Variants in PCDH11X observed in about 807,000 individuals in gnomAD.
PCDH11X encodes the protein protocadherin-11 X-linked.
A neutral mutation model predicts 53.3 loss-of-function variants in PCDH11X; 18 were observed. The observed-to-expected ratio is 0.34, with a 90% CI of 0.23 to 0.50. PCDH11X has a LOEUF of 0.50. PCDH11X is among the 20% of genes least tolerant of loss of function. PCDH11X has a pLI of 0.98. For synonymous variants in PCDH11X, 279 were observed against 393.3 expected, an observed-to-expected ratio of 0.71 and a Z score of 3.44; for missense variants, 570 against 1,032.4, an observed-to-expected ratio of 0.55 and a Z score of 6.14.
chrX:92,177,894 C>G (rs909594772), intron 6 of PCDH11X, among the ~76,000 whole-genome samples: 19 of 110,397 alleles, frequency 1.7e-4, no homozygotes, highest in Non-Finnish European at 3.8e-5. Flanking sequence ...CACACACAAA[C>G]ACAATTTGGA....
chrX:92,448,958 A>G, intron 9 of PCDH11X, among the ~76,000 whole-genome samples: 1 of 112,179 alleles, frequency 8.9e-6, no homozygotes, highest in African/African-American at 3.2e-5. Flanking sequence ...TCTTTTGCAG[A>G]TTACTTTAGT....
chrX:92,370,154 A>C (rs1320735650), intron 8 of PCDH11X, among the ~76,000 whole-genome samples: 1 of 110,487 alleles, frequency 9.1e-6, no homozygotes, highest in Non-Finnish European at 1.9e-5. Flanking sequence ...ATATTTTATA[A>C]TGTGATTTTT....
intron 5 of PCDH11X, among the ~76,000 whole-genome samples, chrX:91,861,609 G>A (rs1389775527): frequency 9.0e-6 from 1 of 110,936 alleles, no homozygotes; most frequent in East Asian, 2.8e-4. Context: ...CAGGAACTTG[G>A]TCATCTTAGT....
chrX:92,563,869 A>T (rs2148765463), intron 10 of PCDH11X, among the ~76,000 whole-genome samples: 1 of 111,247 alleles, frequency 9.0e-6, no homozygotes, highest in Non-Finnish European at 1.9e-5. Flanking sequence ...ACAAACCAAT[A>T]AAAAATAATG....
At chrX:92,419,436 T>A (rs1314083644) in intron 9 of PCDH11X, among the ~76,000 whole-genome samples, 7 of 108,091 alleles carry the variant, frequency 6.5e-5, no homozygotes, top group Non-Finnish European at 1.3e-4. Context: ...TTAACTTTTA[T>A]CCTACCTAGG....
At chrX:92,263,311 G>A (rs1191869307) in intron 8 of PCDH11X, among the ~76,000 whole-genome samples, 168 bp downstream of exon 8, 3 of 111,340 alleles carry the variant, frequency 2.7e-5, no homozygotes, top group African/African-American at 6.5e-5. Flanking sequence ...ATTTTGTATC[G>A]CACAGTTCTG....
intron 4 of PCDH11X, among the ~76,000 whole-genome samples, chrX:91,817,070 T>C (rs2147572330): frequency 9.0e-6 from 1 of 110,620 alleles, no homozygotes; most frequent in East Asian, 2.9e-4. Context: ...AAGTGGAGAG[T>C]TATTTTGGTA....
chrX:92,015,418 G>A (rs2062774406), intron 6 of PCDH11X, among the ~76,000 whole-genome samples: 1 of 112,227 alleles, frequency 8.9e-6, no homozygotes, highest in African/African-American at 3.2e-5. Context: ...AGCATGCAAT[G>A]CTGTTTGATA....
Position 92,159,323 on chromosome X carries a change from A to G in PCDH11X, c.3034-42052A>G, listed in dbSNP as rs552451880. Among the ~76,000 whole-genome samples the G allele has an allele frequency of 4.6e-5, 5 of 109,663 alleles. No homozygotes were observed. In the South Asian group the frequency reaches 2.0e-3, roughly 44 times the overall value. On this transcript the variant is annotated intron_variant, in intron 6 of 10. Transcript: ENST00000682573. ...TCATGTGACCCACTGCAAAAATTCA[A>G]CATGTATTGAATATAAAAAAATATT...
intron 10 of PCDH11X, among the ~76,000 whole-genome samples, chrX:92,535,738 C>T (rs1043720005): frequency 1.1e-4 from 12 of 111,576 alleles, no homozygotes; most frequent in African/African-American, 2.6e-4. Context: ...GATAGGAATA[C>T]GATCCAATAC....
At chrX:92,610,867 C>A (rs943640025) in intron 10 of PCDH11X, among the ~76,000 whole-genome samples, 7 of 111,427 alleles carry the variant, frequency 6.3e-5, no homozygotes, top group Non-Finnish European at 1.1e-4. Context: ...TTCCCCACTG[C>A]TTAATTTTGT....
intron 5 of PCDH11X, among the ~76,000 whole-genome samples, chrX:91,836,447 A>G (rs1286429556): frequency 9.4e-6 from 1 of 106,911 alleles, no homozygotes; most frequent in Non-Finnish European, 1.9e-5. Flanking sequence ...TACTTTAGAT[A>G]CACAAATTTT....
In PCDH11X at chrX:92,533,862, C is replaced by T. The variant is rs908387573; in HGVS notation, c.3367+65540C>T. Among the ~76,000 whole-genome samples the T allele has an allele frequency of 2.0e-4, 22 of 107,940 alleles. 1 individual carries two copies. Among genetic ancestry groups the T allele is most frequent in the South Asian group, 8.3e-4 (2 of 2,420 alleles). The allele number at this position is 107,940 out of a possible 115,157, so 93.7% of individuals were successfully genotyped here. On this transcript the variant is annotated intron_variant, in intron 10 of 10. Transcript: ENST00000682573. The stretch of plus-strand genomic sequence containing the variant: ...CAGAAAGGAATAGCATCAACACCAA[C>T]GAAAAGGACATCCACACCAAAACCC...
At chrX:91,960,528 G>A (rs186492201) in intron 6 of PCDH11X, among the ~76,000 whole-genome samples, 264 of 110,518 alleles carry the variant, frequency 2.4e-3, no homozygotes, top group African/African-American at 8.2e-3. Context: ...AGGTTCAAGC[G>A]ATTCTCCCAC....
intron 10 of PCDH11X, among the ~76,000 whole-genome samples, chrX:92,506,322 A>G (rs184287502): frequency 1.8e-4 from 17 of 95,921 alleles, no homozygotes; most frequent in Middle Eastern, 6.7e-3. Context: ...TCTGGTTTTC[A>G]AGAGGAACAC....
chrX:91,894,898 T>C (rs1462585218), intron 6 of PCDH11X, among the ~76,000 whole-genome samples: 2 of 110,971 alleles, frequency 1.8e-5, no homozygotes, highest in Non-Finnish European at 3.8e-5. Flanking sequence ...TACTAACAGA[T>C]AGAGACTTGT....
intron 6 of PCDH11X, among the ~76,000 whole-genome samples, chrX:92,130,925 C>T (rs1320842315): frequency 2.7e-5 from 3 of 109,306 alleles, no homozygotes; most frequent in Non-Finnish European, 5.7e-5. Context: ...CACAGATACC[C>T]TACTACTACT....
At chrX:91,816,462 CT>C (rs1936455321) in intron 4 of PCDH11X, among the ~76,000 whole-genome samples, 1 of 110,971 alleles carries the variant, frequency 9.0e-6, no homozygotes, top group African/African-American at 3.3e-5. Flanking sequence ...AGTTATTTAA[CT>C]TTTTTCTCTA....
chrX:92,583,124 G>T (rs1468399854), intron 10 of PCDH11X, among the ~76,000 whole-genome samples: 1 of 93,880 alleles, frequency 1.1e-5, no homozygotes, highest in African/African-American at 4.1e-5. Context: ...TTTTTAGATG[G>T]ATTCTCTCTC....
Sources: gnomAD v4.1 joint callset for allele counts (sites outside exome capture counted in the v4.1 genomes callset) on GRCh38, gnomAD v4.1.1 for gene constraint, MANE v1.5 for transcripts, NCBI Gene and HGNC (gene_info 2026-07-23, HGNC 2026-07-21) for gene names.